TG: variants seen among roughly 807,000 people sequenced by gnomAD.
The protein encoded by TG is thyroglobulin.
In TG, 270 loss-of-function variants were observed where a neutral mutation model predicts 324.7. That is an observed-to-expected ratio of 0.83 (90% CI 0.75 to 0.92). The LOEUF is 0.92. Among genes scored for constraint, TG ranks in the 40% least tolerant of loss-of-function variants. The pLI is 0.00. For synonymous variants in TG, 1,401 were observed against 1,327.0 expected (o/e 1.06, Z -1.21); for missense variants, 3,591 against 3,456.4 (o/e 1.04, Z -0.98).
At chr8:132,887,955 T>C (rs1815663452) in intron 9 of TG, 29 bp from the exon 10 acceptor site, 1 of 1,592,376 alleles carries the variant, frequency 6.3e-7, no homozygotes, top group East Asian at 2.3e-5. Flanking sequence ...TTTCTTAAAC[T>C]GAAACACCTG....
At chr8:132,891,560 C>T (rs1352172508) in intron 10 of TG, among the ~76,000 whole-genome samples, 1 of 152,116 alleles carries the variant, frequency 6.6e-6, no homozygotes, top group African/African-American at 2.4e-5. Context: ...GTCTTGAACT[C>T]CTGGGCTCAA....
chr8:132,923,367 G>A lies in TG; in HGVS notation c.4558G>A (p.Gly1520Ser). ...CVTDCQRNEA[G>S]LQCDQNGQYR... ...CACTGACTGTCAGAGGAACGAAGCA[G>A]GCCTGCAATGTGACCAGAATGGCCA... Residue 1520 changes from glycine to serine, a missense_variant, in exon 22 of 48, where the codon GGC (glycine) becomes AGC (serine). Transcript: ENST00000220616. 6.2e-7 allele frequency: 1 copy of A among 1,614,130 alleles called. No homozygotes were observed. The highest frequency in any genetic ancestry group is 8.5e-7 in the Non-Finnish European group (1 of 1,180,020).
intron 27 of TG, among the ~76,000 whole-genome samples, chr8:132,950,718 T>C (rs1825987545): frequency 6.6e-6 from 1 of 152,214 alleles, no homozygotes; most frequent in African/African-American, 2.4e-5. Context: ...GGTGAATGAA[T>C]GTTTTCAGGC....
At chr8:132,954,531 G>A (rs1175897398) in intron 27 of TG, among the ~76,000 whole-genome samples, 3 of 152,146 alleles carry the variant, frequency 2.0e-5, no homozygotes, top group Admixed American at 6.5e-5. Flanking sequence ...GAATGACCCC[G>A]CCAGCTAGGC....
rs765395219 is a variant in TG at position 132,901,501 on chromosome 8, C to T, written c.3582C>T (p.Ser1194=). ...GCAGCTGCTGGTGTGTCATGGACAG[C>T]GGAGAAGAGGTGCCTGGGACGCGCG... ...AQGSCWCVMD[S]GEEVPGTRVT... Residue 1194 remains serine, a synonymous_variant, in exon 16 of 48, where the codon AGC becomes AGT. Coordinates refer to ENST00000220616, the MANE Select transcript of TG (RefSeq NM_003235.5). 52 of 1,613,902 alleles carry T rather than the reference C, an allele frequency of 3.2e-5. No homozygotes were observed. The highest frequency in any genetic ancestry group is 4.4e-5 in the South Asian group (4 of 91,080).
chr8:132,881,883 C>A lies in TG; in HGVS notation c.659C>A (p.Thr220Asn). ...CCAAGGTTTCCAGATGCATTTGTGACCTTCAGTTCCTTCCAGAGGAGGTTC... is the reference window on the plus strand; with the variant it reads ...CCAAGGTTTCCAGATGCATTTGTGAACTTCAGTTCCTTCCAGAGGAGGTTC... ...SYNRFPDAFVTFSSFQRRFPE... is the reference protein window; with the variant it reads ...SYNRFPDAFVNFSSFQRRFPE... Residue 220 changes from threonine to asparagine, a missense_variant, in exon 6 of 48, where the codon ACC becomes AAC. Transcript: ENST00000220616. The A allele has an allele frequency of 2.5e-6, 4 of 1,613,754 alleles. No individual in the cohort carries two copies. Among genetic ancestry groups the A allele is most frequent in the Non-Finnish European group, 2.5e-6 (3 of 1,179,612 alleles).
chr8:132,946,069 CACA>C (rs773600416), intron 26 of TG, among the ~76,000 whole-genome samples: 13,649 of 70,900 alleles, frequency 0.19, 785 homozygotes, highest in Non-Finnish European at 0.28. Context: ...CACACACACA[CACA>C]CCCTATATTT....
chr8:132,885,438 CTATAT>C (rs1815267561), intron 8 of TG, among the ~76,000 whole-genome samples: 1 of 151,414 alleles, frequency 6.6e-6, no homozygotes, highest in African/African-American at 2.4e-5. Flanking sequence ...ATTATATTTC[CTATAT>C]TATAATATAT....
Position 132,906,862 on chromosome 8 carries a change from G to T in TG, c.3809G>T (p.Arg1270Leu). 1 of 1,613,690 alleles carries T rather than the reference G, an allele frequency of 6.2e-7. No homozygotes were observed. Among genetic ancestry groups the T allele is most frequent in the Non-Finnish European group, 8.5e-7 (1 of 1,179,912 alleles). Residue 1270 changes from arginine (R) to leucine (L), a missense_variant, in exon 17 of 48, where the codon CGC (arginine) becomes CTC (leucine). By Grantham distance (102) the Arg-to-Leu change is moderately radical (BLOSUM62 -2). Coordinates refer to ENST00000220616, the MANE Select transcript of TG (RefSeq NM_003235.5). ...GPLICSLESG[R>L]WESQLPQPRA... ...TTGATATGTAGCCTGGAGAGCGGACGCTGGGAGTCACAGCTGCCTCAGCCC... is the reference window on the plus strand; with the variant it reads ...TTGATATGTAGCCTGGAGAGCGGACTCTGGGAGTCACAGCTGCCTCAGCCC...
At chr8:132,929,227 A>G in intron 23 of TG, 35 bp downstream of exon 23, 1 of 1,526,132 alleles carries the variant, frequency 6.6e-7, no homozygotes, top group Non-Finnish European at 9.1e-7. Flanking sequence ...ACTCAGAAGA[A>G]GGTGTGGAAA....
intron 34 of TG, among the ~76,000 whole-genome samples, chr8:132,973,691 C>T (rs934101682): frequency 6.6e-6 from 1 of 152,198 alleles, no homozygotes; most frequent in African/African-American, 2.4e-5. Flanking sequence ...GAATAGTGGG[C>T]AGCCACATGG....
chr8:133,004,038 A>G (rs1367247225), intron 35 of TG, among the ~76,000 whole-genome samples: 2 of 152,230 alleles, frequency 1.3e-5, no homozygotes, highest in Admixed American at 1.3e-4. Context: ...TTACCTGCTA[A>G]ATAGATAGTA....
At position 133,016,681 on chromosome 8, in the gene TG, C is replaced by T. The variant is rs544570656; in HGVS notation, c.6563-1097C>T. 1.7e-4 allele frequency among the ~76,000 whole-genome samples: 26 copies of T among 152,348 alleles called. 1 individual carries two copies. The highest frequency in any genetic ancestry group is 6.0e-4 in the African/African-American group (25 of 41,586). On this transcript the variant is annotated intron_variant, in intron 37 of 47. Transcript: ENST00000220616. ...TGTCAGAAATAAGAGACTTCTCACA[C>T]ACACTTGAAGTATCTCTCCATGAGT...
intron 35 of TG, among the ~76,000 whole-genome samples, chr8:133,011,006 A>G (rs944696915): frequency 1.3e-5 from 2 of 152,210 alleles, no homozygotes; most frequent in African/African-American, 4.8e-5. Flanking sequence ...TTCTTCATAT[A>G]TAAAGGAAGA....
chr8:132,898,653 C>G (rs1194296443), intron 13 of TG, 145 bp from the exon 14 acceptor site: 1 of 730,944 alleles, frequency 1.4e-6, no homozygotes, highest in Non-Finnish European at 2.4e-6. Flanking sequence ...CCACATGAGT[C>G]TTTGTCCTCA....
chr8:132,960,991 A>C lies in TG; in HGVS notation c.5402-17A>C, dbSNP rs1827672601. On this transcript the variant is annotated splice_polypyrimidine_tract_variant and intron_variant, in intron 27 of 47. Transcript: ENST00000220616. ...CAGCACACTCAAGCTCATAAAAATAAACATCTTCCTTTGCAGGTCTGACAC... is the reference window on the plus strand; with the variant it reads ...CAGCACACTCAAGCTCATAAAAATACACATCTTCCTTTGCAGGTCTGACAC... 9.9e-6 allele frequency: 16 copies of C among 1,613,758 alleles called. No homozygotes were observed. The highest frequency in any genetic ancestry group is 1.4e-5 in the Non-Finnish European group (16 of 1,179,678).
chr8:133,013,633 C>A lies in TG; in HGVS notation c.6431C>A (p.Thr2144Asn). The part of the protein sequence containing the change: ...CSQHEACLIT[T>N]LQTQPGAVRC... ...CAACATGAGGCCTGTCTCATCACCA[C>A]TCTGCAAACCCAACCTGGGGCTGTG... Residue 2144 changes from threonine (T) to asparagine (N), a missense_variant, in exon 37 of 48, where the codon ACT becomes AAT. Coordinates refer to ENST00000220616, the MANE Select transcript of TG (RefSeq NM_003235.5). The A allele has an allele frequency of 6.2e-7, 1 of 1,614,234 alleles. No individual in the cohort carries two copies. The highest frequency in any genetic ancestry group is 2.2e-5 in the East Asian group (1 of 44,886).
intron 41 of TG, chr8:133,060,372 T>A: frequency 6.5e-7 from 1 of 1,530,280 alleles, no homozygotes; most frequent in Non-Finnish European, 8.8e-7. Flanking sequence ...TTTGCGCAGC[T>A]CAAGTTCTTT....
At chr8:132,907,583 G>A (rs1166372090) in intron 17 of TG, among the ~76,000 whole-genome samples, 1 of 152,162 alleles carries the variant, frequency 6.6e-6, no homozygotes, top group African/African-American at 2.4e-5. Context: ...AGAGTGTCAA[G>A]GAGAGCATTT....
Sources: gnomAD v4.1 joint callset for allele counts (sites outside exome capture counted in the v4.1 genomes callset) on GRCh38, gnomAD v4.1.1 for gene constraint, MANE v1.5 for transcripts, NCBI Gene and HGNC (gene_info 2026-07-23, HGNC 2026-07-21) for gene names.